Variants in SMC5 observed in about 807,000 individuals in gnomAD.
SMC5 encodes the protein structural maintenance of chromosomes protein 5.
Under a neutral mutation model 148.3 loss-of-function variants are expected in SMC5, and 88 were observed. The ratio of observed to expected loss-of-function variants is 0.59; its 90% CI spans 0.50 to 0.71. SMC5 has a LOEUF of 0.71. Among genes scored for constraint, SMC5 ranks in the 30% least tolerant of loss-of-function variants. The pLI is 0.00. For synonymous variants in SMC5, 421 were observed against 432.8 expected (o/e 0.97, Z 0.34); for missense variants, 1,142 against 1,298.9 (o/e 0.88, Z 1.86).
In SMC5 at chr9:70,308,590, CAAAAAAAAAA is replaced by C. The variant is rs59441324; in HGVS notation, c.1578+3250_1578+3259del. 1.7e-3 allele frequency among the ~76,000 whole-genome samples: 121 copies of C among 72,252 alleles called. 1 individual carries two copies. Among genetic ancestry groups the C allele is most frequent in the African/African-American group, 6.1e-3 (114 of 18,690 alleles). The allele number at this position is 72,252 out of a possible 152,430, so 47.4% of individuals were successfully genotyped here. A position where few individuals can be genotyped will look rare whatever the true frequency, so the allele number is the denominator to read the frequency against. On this transcript the variant is annotated intron_variant, in intron 11 of 24. Transcript: ENST00000361138. ...AGCCTGGGCGACAGAGACTCTGTCTCAAAAAAAAAAAAAAAAAAAAAAAAAAAAAGAATTA... is the reference window on the plus strand; with the variant it reads ...AGCCTGGGCGACAGAGACTCTGTCTCAAAAAAAAAAAAAAAAAAAGAATTA...
chr9:70,347,547 C>G, intron 20 of SMC5, 66 bp from the exon 21 acceptor site: 1 of 843,080 alleles, frequency 1.2e-6, no homozygotes, highest in Non-Finnish European at 1.8e-6. Flanking sequence ...TTAATCAATG[C>G]AAAATTGTAT....
In SMC5 at chr9:70,353,116, T is replaced by G. The variant is rs1485756849; in HGVS notation, c.*785T>G. On this transcript the variant is annotated 3_prime_UTR_variant, in exon 25 of 25. Coordinates refer to ENST00000361138, the MANE Select transcript of SMC5 (RefSeq NM_015110.4). The stretch of plus-strand genomic sequence containing the variant: ...TTGCTTTTTTTTATTTTATTTAAAG[T>G]CAATTATATTTTACATCTTACATTT... 6.6e-6 allele frequency: 1 copy of G among 152,016 alleles called. No individual in the cohort carries two copies. The highest frequency in any genetic ancestry group is 1.5e-5 in the Non-Finnish European group (1 of 68,002). 9.4% of individuals were successfully genotyped at this position (152,016 alleles called of 1,614,324 possible).
chr9:70,317,756 T>C (rs2035840476), intron 13 of SMC5, among the ~76,000 whole-genome samples: 1 of 152,212 alleles, frequency 6.6e-6, no homozygotes. Context: ...GAAATCCATG[T>C]ATAAATTCTT....
At chr9:70,311,681 C>T (rs1021459748) in intron 11 of SMC5, 2 of 151,070 alleles carry the variant, frequency 1.3e-5, no homozygotes, top group African/African-American at 4.9e-5. Context: ...CTTCTGATTA[C>T]CCACTACCAT....
At chr9:70,326,001 A>G (rs754258953) in intron 17 of SMC5, among the ~76,000 whole-genome samples, 63 of 152,198 alleles carry the variant, frequency 4.1e-4, no homozygotes, top group Non-Finnish European at 6.9e-4. Flanking sequence ...AGAAAATCAC[A>G]TAACTAAAGA....
rs753454456 is a variant in SMC5, at chr9:70,352,376, T to A, written c.*45T>A. On this transcript the variant is annotated 3_prime_UTR_variant, in exon 25 of 25. Transcript: ENST00000361138. ...CTTGGGAATTTTTTTTGTTAAATTC[T>A]GTTTATAAGTATGGCTCAACTGAAT... The A allele has an allele frequency of 6.5e-7, 1 of 1,543,752 alleles. No homozygotes were observed. Among genetic ancestry groups the A allele is most frequent in the Non-Finnish European group, 8.7e-7 (1 of 1,143,432 alleles).
intron 1 of SMC5, among the ~76,000 whole-genome samples, chr9:70,261,825 G>A (rs1323230022): frequency 6.6e-6 from 1 of 152,190 alleles, no homozygotes; most frequent in Non-Finnish European, 1.5e-5. Flanking sequence ...AAAACAGTGG[G>A]AGACAATTAT....
chr9:70,330,574 G>C (rs1181899951), intron 17 of SMC5, among the ~76,000 whole-genome samples: 2 of 133,172 alleles, frequency 1.5e-5, no homozygotes, highest in Non-Finnish European at 3.1e-5. Context: ...TTTCAAGACA[G>C]AGTCTTCACT....
rs985860138 is a variant in SMC5, at chr9:70,354,559, A to G, written c.*2228A>G. 5 of 152,166 alleles carry G rather than the reference A, an allele frequency of 3.3e-5. No individual in the cohort carries two copies. The highest frequency in any genetic ancestry group is 1.2e-4 in the African/African-American group (5 of 41,436). The allele number at this position is 152,166 out of a possible 1,614,324, so 9.4% of individuals were successfully genotyped here. A position where few individuals can be genotyped will look rare whatever the true frequency, so the allele number is the denominator to read the frequency against. On this transcript the variant is annotated 3_prime_UTR_variant, in exon 25 of 25. Transcript: ENST00000361138. ...TTTTTAATTACATAAAAATCGTAAA[A>G]ACTTCTAGTAAAAACTTGATTTGGT...
intron 17 of SMC5, among the ~76,000 whole-genome samples, chr9:70,333,866 C>G (rs1246671364): frequency 6.9e-6 from 1 of 144,672 alleles, no homozygotes; most frequent in Non-Finnish European, 1.5e-5. Flanking sequence ...TTCAGGATTT[C>G]TTAAAATGTC....
chr9:70,319,005 T>C, intron 15 of SMC5, 42 bp downstream of exon 15: 6 of 1,499,920 alleles, frequency 4.0e-6, no homozygotes, highest in Non-Finnish European at 5.4e-6. Context: ...CAAATTACTG[T>C]ATGGGAGAAT....
chr9:70,259,755 C>A (rs2034041297), intron 1 of SMC5, among the ~76,000 whole-genome samples: 1 of 152,096 alleles, frequency 6.6e-6, no homozygotes, highest in East Asian at 1.9e-4. Context: ...AAAAATTAAA[C>A]ACTTACTGGC....
chr9:70,336,945 G>T (rs2036373181), intron 17 of SMC5, among the ~76,000 whole-genome samples: 2 of 152,188 alleles, frequency 1.3e-5, no homozygotes, highest in African/African-American at 4.8e-5. Context: ...AATCATGGCG[G>T]AAGACAAGGA....
At chr9:70,301,391 T>C (rs967145558) in intron 10 of SMC5, among the ~76,000 whole-genome samples, 2 of 152,184 alleles carry the variant, frequency 1.3e-5, no homozygotes, top group African/African-American at 4.8e-5. Context: ...TAAAGAGATA[T>C]ATTCTGCTTT....
intron 17 of SMC5, among the ~76,000 whole-genome samples, chr9:70,340,958 A>C (rs2036506155): frequency 6.6e-6 from 1 of 152,150 alleles, no homozygotes. Context: ...TATTTTGTAC[A>C]TTTCACTCAT....
intron 12 of SMC5, among the ~76,000 whole-genome samples, 200 bp downstream of exon 12, chr9:70,315,036 A>G (rs2035758569): frequency 6.6e-6 from 1 of 152,132 alleles, no homozygotes; most frequent in Admixed American, 6.5e-5. Context: ...TCTGCAGAAT[A>G]ATATTGAACT....
chr9:70,322,039 A>G (rs2035961316), intron 15 of SMC5, among the ~76,000 whole-genome samples: 1 of 152,220 alleles, frequency 6.6e-6, no homozygotes, highest in African/African-American at 2.4e-5. Flanking sequence ...GTATTTCTAA[A>G]CACATTTATA....
At position 70,343,452 on chromosome 9, in the gene SMC5, C is replaced by G. The variant is rs34740954; in HGVS notation, c.2398-692C>G. 9.2e-3 allele frequency among the ~76,000 whole-genome samples: 1,394 copies of G among 152,248 alleles called. 15 individuals carry two copies. Among genetic ancestry groups the G allele is most frequent in the Non-Finnish European group, 0.016 (1,094 of 68,012 alleles). On this transcript the variant is annotated intron_variant, in intron 17 of 24. Coordinates refer to ENST00000361138, the MANE Select transcript of SMC5 (RefSeq NM_015110.4). ...AACTATCAAGCATGATTTAAAGGTT[C>G]TAACTACATTTGAGTGCTGAGTTTT...
intron 15 of SMC5, among the ~76,000 whole-genome samples, chr9:70,322,464 A>G (rs1269535858): frequency 6.6e-6 from 1 of 152,200 alleles, no homozygotes; most frequent in Non-Finnish European, 1.5e-5. Context: ...CTGCCTGACT[A>G]GTCACTTCTG....
Sources: allele counts gnomAD v4.1 joint callset (sites outside exome capture counted in the v4.1 genomes callset), GRCh38; gene constraint gnomAD v4.1.1; transcripts MANE v1.5; gene names NCBI Gene and HGNC (gene_info 2026-07-23, HGNC 2026-07-21).